The following TBPL1 variants were observed in gnomAD, a reference collection of about 807,000 sequenced individuals.
The protein encoded by TBPL1 is TATA-box binding protein like 1.
A neutral mutation model predicts 22.1 loss-of-function variants in TBPL1; 4 were observed. The observed-to-expected ratio is 0.18, with a 90% CI of 0.09 to 0.41. TBPL1 has a LOEUF of 0.41. TBPL1 is among the 10% of genes least tolerant of loss of function. The pLI is 1.00. For missense variants in TBPL1, 115 were observed against 222.3 expected, an observed-to-expected ratio of 0.52 and a Z score of 3.07; for synonymous variants, 64 against 71.0, an observed-to-expected ratio of 0.90 and a Z score of 0.50.
rs928564561 is a variant in TBPL1, at chr6:133,989,617, T to G, written c.*2577T>G. 2.0e-5 allele frequency: 3 copies of G among 152,186 alleles called. No individual in the cohort carries two copies. Among genetic ancestry groups the G allele is most frequent in the Non-Finnish European group, 2.9e-5 (2 of 68,026 alleles). The allele number at this position is 152,186 out of a possible 1,614,324, so 9.4% of individuals were successfully genotyped here. Reference sequence around the variant, plus strand: ...AATTGAGATCTCCAATCTCCTTTCCTTTTAGCTTCCCCCTGCCAATTTTTA... The same window carrying G: ...AATTGAGATCTCCAATCTCCTTTCCGTTTAGCTTCCCCCTGCCAATTTTTA... On this transcript the variant is annotated 3_prime_UTR_variant, in exon 7 of 7. Transcript: ENST00000237264.
At chr6:133,961,929 A>G (rs554004238) in intron 1 of TBPL1, among the ~76,000 whole-genome samples, 1 of 152,086 alleles carries the variant, frequency 6.6e-6, no homozygotes, top group African/African-American at 2.4e-5. Context: ...TACAACTGCC[A>G]TGAGAGTTGC....
intron 1 of TBPL1, among the ~76,000 whole-genome samples, chr6:133,964,684 G>A (rs947604180): frequency 2.6e-5 from 4 of 152,084 alleles, no homozygotes; most frequent in East Asian, 1.9e-4. Context: ...TCCTGACCTC[G>A]TGATCCACCC....
intron 1 of TBPL1, among the ~76,000 whole-genome samples, chr6:133,966,889 A>T (rs1776129158): frequency 6.6e-6 from 1 of 152,172 alleles, no homozygotes; most frequent in South Asian, 2.1e-4. Flanking sequence ...CTTCTCTTTC[A>T]GTCCATCCTC....
chr6:133,959,219 T>C (rs1314295954), intron 1 of TBPL1, among the ~76,000 whole-genome samples: 1 of 152,138 alleles, frequency 6.6e-6, no homozygotes, highest in Non-Finnish European at 1.5e-5. Flanking sequence ...TTTATATTTT[T>C]AGTAGATGCA....
At chr6:133,982,373 C>G (rs1320866769) in intron 2 of TBPL1, among the ~76,000 whole-genome samples, 195 bp from the exon 3 acceptor site, 3 of 152,092 alleles carry the variant, frequency 2.0e-5, no homozygotes, top group Admixed American at 1.3e-4. Flanking sequence ...TTTAATTAAT[C>G]AAATGTCTTT....
chr6:133,975,976 T>C (rs1776305919), intron 1 of TBPL1, among the ~76,000 whole-genome samples: 1 of 152,224 alleles, frequency 6.6e-6, no homozygotes, highest in South Asian at 2.1e-4. Context: ...TAAATGTCAC[T>C]TTCAAATGCT....
At position 133,982,559 on chromosome 6, in the gene TBPL1, T is replaced by G. The variant is rs200940791; in HGVS notation, c.136-9T>G. 1.2e-6 allele frequency: 2 copies of G among 1,606,298 alleles called. No homozygotes were observed. The highest frequency in any genetic ancestry group is 1.3e-5 in the African/African-American group (1 of 74,418). ...GCTTATGAGGTAATCAGATTTTTTTTCCCCCCAGAAAGTATTAATGAAGCT... is the reference window on the plus strand; with the variant it reads ...GCTTATGAGGTAATCAGATTTTTTTGCCCCCCAGAAAGTATTAATGAAGCT... On this transcript the variant is annotated splice_polypyrimidine_tract_variant and intron_variant, in intron 2 of 6. Transcript: ENST00000237264.
At chr6:133,986,024 A>T (rs1042222855) in intron 6 of TBPL1, 2 of 152,206 alleles carry the variant, frequency 1.3e-5, no homozygotes, top group Non-Finnish European at 2.9e-5. Context: ...CAAAACAATA[A>T]CAAACTGAAG....
chr6:133,958,586 A>G (rs1305470345), intron 1 of TBPL1, among the ~76,000 whole-genome samples: 1 of 152,202 alleles, frequency 6.6e-6, no homozygotes, highest in African/African-American at 2.4e-5. Context: ...AATAATAGCT[A>G]ACTTTAAAAA....
intron 1 of TBPL1, among the ~76,000 whole-genome samples, chr6:133,954,858 AT>A (rs1775900063): frequency 6.6e-6 from 1 of 152,054 alleles, no homozygotes; most frequent in Non-Finnish European, 1.5e-5. Context: ...TGTGCCCTTG[AT>A]TGGGCTGGCT....
At chr6:133,959,591 C>T (rs142586803) in intron 1 of TBPL1, among the ~76,000 whole-genome samples, 1 of 152,276 alleles carries the variant, frequency 6.6e-6, no homozygotes, top group African/African-American at 2.4e-5. Context: ...AAGCAATTCT[C>T]CTGCCTCAGC....
Position 133,988,274 on chromosome 6 carries a change from C to G in TBPL1, c.*1234C>G, listed in dbSNP as rs1027870959. On this transcript the variant is annotated 3_prime_UTR_variant, in exon 7 of 7. Transcript: ENST00000237264. Reference sequence around the variant, plus strand: ...AATATGCATTTATGAAACAGTGTCTCTGGCTCACCCAGGAGCCCTGATGTG... The same window carrying G: ...AATATGCATTTATGAAACAGTGTCTGTGGCTCACCCAGGAGCCCTGATGTG... 1 of 152,198 alleles carries G rather than the reference C, an allele frequency of 6.6e-6. No homozygotes were observed. The highest frequency in any genetic ancestry group is 2.4e-5 in the African/African-American group (1 of 41,460). The allele number at this position is 152,198 out of a possible 1,614,324, so 9.4% of individuals were successfully genotyped here. A position where few individuals can be genotyped will look rare whatever the true frequency, so the allele number is the denominator to read the frequency against.
intron 1 of TBPL1, among the ~76,000 whole-genome samples, chr6:133,957,137 T>C (rs1301590434): frequency 6.6e-6 from 1 of 152,296 alleles, no homozygotes; most frequent in East Asian, 1.9e-4. Flanking sequence ...TTTTGTGGGT[T>C]GAAGCATGCT....
At chr6:133,970,887 G>C (rs915535943) in intron 1 of TBPL1, among the ~76,000 whole-genome samples, 1 of 152,086 alleles carries the variant, frequency 6.6e-6, no homozygotes, top group African/African-American at 2.4e-5. Flanking sequence ...TTGTTGTATA[G>C]TGATCAAATC....
At chr6:133,965,703 CACTT>C (rs1562657950) in intron 1 of TBPL1, among the ~76,000 whole-genome samples, 1 of 151,580 alleles carries the variant, frequency 6.6e-6, no homozygotes. Flanking sequence ...TTATTTTTAC[CACTT>C]ACTTTTAAAC....
upstream of TBPL1, chr6:133,952,525 C>T (rs1385246060): frequency 6.6e-6 from 1 of 152,312 alleles, no homozygotes; most frequent in Non-Finnish European, 1.5e-5. This position sits in a 1 kb window ranked among gnomAD's most constrained non-coding sequence, Gnocchi z 4.5. Context: ...CCCTCCGTCT[C>T]GCCACACCTT....
At chr6:133,982,919 A>G (rs751656911) in intron 4 of TBPL1, 39 bp downstream of exon 4, 3 of 1,546,436 alleles carry the variant, frequency 1.9e-6, no homozygotes, top group Non-Finnish European at 2.6e-6. Flanking sequence ...CAAATATTCA[A>G]GGACTTATTT....
chr6:133,982,503 A>G (rs1776434224), intron 2 of TBPL1, 65 bp from the exon 3 acceptor site: 1 of 1,418,358 alleles, frequency 7.1e-7, no homozygotes. Context: ...TAATATGACT[A>G]TATAGAACAG....
intron 1 of TBPL1, 25 bp downstream of exon 1, chr6:133,953,450 A>G (rs2114308296): frequency 6.5e-6 from 1 of 152,734 alleles, no homozygotes; most frequent in Non-Finnish European, 1.5e-5. Context: ...GACCCTGGGC[A>G]CAGGGAGCGC....
Sources: gnomAD v4.1 joint callset for allele counts (sites outside exome capture counted in the v4.1 genomes callset) on GRCh38, gnomAD v4.1.1 for gene constraint, Gnocchi (gnomAD v3.1) non-coding constraint, MANE v1.5 for transcripts, NCBI Gene and HGNC (gene_info 2026-07-23, HGNC 2026-07-21) for gene names.